The following GPR39 variants were observed in gnomAD, a reference collection of about 807,000 sequenced individuals.
The protein encoded by GPR39 is zinc sensing receptor.
Under a neutral mutation model 18.4 loss-of-function variants are expected in GPR39, and 23 were observed. That is an observed-to-expected ratio of 1.25 (90% confidence interval 0.90 to 1.77). The LOEUF (loss-of-function observed/expected upper bound fraction) is 1.77, where lower values mean the gene tolerates loss of function less well. GPR39 is among the 40% of genes most tolerant of loss of function. The probability of loss-of-function intolerance (pLI) is 0.00; values close to 1 mark genes in which losing one functional copy is unlikely to be tolerated. For missense variants in GPR39, 647 were observed against 602.4 expected, an observed-to-expected ratio of 1.07 and a Z score of -0.78; for synonymous variants, 280 against 257.9, an observed-to-expected ratio of 1.09 and a Z score of -0.82.
chr2:132,507,367 G>A (rs1381551191), intron 1 of GPR39, among the ~76,000 whole-genome samples: 1 of 152,210 alleles, frequency 6.6e-6, no homozygotes, highest in African/African-American at 2.4e-5. Flanking sequence ...CCCCTGTCCT[G>A]CTACGTGGTG....
chr2:132,553,683 C>T (rs376257537), intron 1 of GPR39, among the ~76,000 whole-genome samples: 63 of 152,188 alleles, frequency 4.1e-4, no homozygotes, highest in Middle Eastern at 3.4e-3. Flanking sequence ...GAGTTGGCTG[C>T]CCTCTGGGGT....
At chr2:132,607,008 T>A (rs1681150617) in intron 1 of GPR39, among the ~76,000 whole-genome samples, 1 of 152,208 alleles carries the variant, frequency 6.6e-6, no homozygotes, top group Admixed American at 6.5e-5. Flanking sequence ...CTCACTCTGA[T>A]CTTGATATAT....
chr2:132,530,853 G>A (rs1351791937), intron 1 of GPR39, among the ~76,000 whole-genome samples: 3 of 152,150 alleles, frequency 2.0e-5, no homozygotes, highest in Non-Finnish European at 4.4e-5. Flanking sequence ...CCTGAAGGAA[G>A]CACTAAACAT....
At chr2:132,489,294 G>T (rs568110658) in intron 1 of GPR39, among the ~76,000 whole-genome samples, 1 of 152,034 alleles carries the variant, frequency 6.6e-6, no homozygotes, top group Non-Finnish European at 1.5e-5. Flanking sequence ...ATTGGCAGGC[G>T]CCGGCGCTGT....
chr2:132,620,428 C>A (rs1370378569), intron 1 of GPR39, among the ~76,000 whole-genome samples: 5 of 152,164 alleles, frequency 3.3e-5, no homozygotes, highest in African/African-American at 1.2e-4. Context: ...CTCAGTCACC[C>A]CTCCCATCTC....
chr2:132,553,313 A>ATGTGTGTG (rs149187122), intron 1 of GPR39, among the ~76,000 whole-genome samples: 4 of 146,232 alleles, frequency 2.7e-5, no homozygotes, highest in African/African-American at 1.0e-4. Context: ...ATATGTATAT[A>ATGTGTGTG]TGTGTGTGTG....
chr2:132,564,139 C>T (rs185685033), intron 1 of GPR39, among the ~76,000 whole-genome samples: 5 of 152,332 alleles, frequency 3.3e-5, no homozygotes, highest in South Asian at 2.1e-4. Context: ...TGACTTGAGG[C>T]GGCTGAGGAT....
At chr2:132,628,184 T>C (rs1461116355) in intron 1 of GPR39, among the ~76,000 whole-genome samples, 1 of 152,190 alleles carries the variant, frequency 6.6e-6, no homozygotes, top group African/African-American at 2.4e-5. Context: ...GTTCCAGAAT[T>C]TCTGGAGCCT....
intron 1 of GPR39, among the ~76,000 whole-genome samples, chr2:132,578,834 T>C (rs1483694853): frequency 1.3e-5 from 2 of 152,146 alleles, no homozygotes; most frequent in South Asian, 4.1e-4. Flanking sequence ...TAACACTCCA[T>C]GTTTCACTTG....
intron 1 of GPR39, among the ~76,000 whole-genome samples, chr2:132,479,587 C>T (rs1007937607): frequency 1.3e-5 from 2 of 152,098 alleles, no homozygotes; most frequent in Non-Finnish European, 2.9e-5. Flanking sequence ...TGATCAGAAA[C>T]AGGAAAGAAG....
rs1386611858 is a variant in GPR39, at chr2:132,492,621, TAC to T, written c.856+74725_856+74726del. On this transcript the variant is annotated intron_variant, in intron 1 of 1. Transcript: ENST00000329321. ...ACCATATATACACACCATCTATATATACAATATATATACACACCATCTATATA... is the reference window on the plus strand; with the variant it reads ...ACCATATATACACACCATCTATATATAATATATATACACACCATCTATATA... 1.2e-3 allele frequency among the ~76,000 whole-genome samples: 166 copies of T among 138,808 alleles called. 5 individuals carry two copies. Among genetic ancestry groups the T allele is most frequent in the African/African-American group, 4.5e-3 (159 of 35,726 alleles). The allele number at this position is 138,808 out of a possible 152,430, so 91.1% of individuals were successfully genotyped here.
chr2:132,503,707 G>T (rs550649168), intron 1 of GPR39, among the ~76,000 whole-genome samples: 15 of 152,206 alleles, frequency 9.9e-5, no homozygotes, highest in Non-Finnish European at 2.2e-4. Flanking sequence ...GGTAGAGAAA[G>T]ACCACCAGCT....
intron 1 of GPR39, among the ~76,000 whole-genome samples, chr2:132,567,641 G>T (rs1680374275): frequency 6.6e-6 from 1 of 152,152 alleles, no homozygotes; most frequent in South Asian, 2.1e-4. Context: ...TACAGAAACA[G>T]AAAACAGGCT....
intron 1 of GPR39, among the ~76,000 whole-genome samples, chr2:132,496,819 G>T (rs976558845): frequency 6.6e-6 from 1 of 152,230 alleles, no homozygotes; most frequent in African/African-American, 2.4e-5. Flanking sequence ...GGAGCCATTA[G>T]CAGCCTTGAT....
At chr2:132,623,775 G>A (rs1681488978) in intron 1 of GPR39, among the ~76,000 whole-genome samples, 2 of 152,208 alleles carry the variant, frequency 1.3e-5, no homozygotes, top group Non-Finnish European at 2.9e-5. Context: ...CCCTTCTGCT[G>A]TGATTGCTTT....
Position 132,417,199 on chromosome 2 carries a change from C to T in GPR39, c.157C>T (p.Arg53Trp), listed in dbSNP as rs1022860709. The T allele has an allele frequency of 2.5e-6, 4 of 1,614,104 alleles. No homozygotes were observed. In the South Asian group the frequency reaches 3.3e-5, roughly 13 times the overall value. Residue 53 changes from arginine to tryptophan, a missense_variant, in exon 1 of 2, where the codon CGG (arginine) becomes TGG (tryptophan). Physicochemically the swap from Arg to Trp is moderately radical, Grantham distance 101. Transcript: ENST00000329321. ...MGLLGNSATI[R>W]VTQVLQKKGY... ...CCTTCTGGGGAACAGCGCCACCATTCGGGTCACCCAGGTGCTGCAGAAGAA... is the reference window on the plus strand; with the variant it reads ...CCTTCTGGGGAACAGCGCCACCATTTGGGTCACCCAGGTGCTGCAGAAGAA...
chr2:132,422,420 T>C (rs1057163977), intron 1 of GPR39, among the ~76,000 whole-genome samples: 2 of 150,290 alleles, frequency 1.3e-5, no homozygotes, highest in African/African-American at 2.5e-5. Context: ...ACTGTATATT[T>C]CGTATTACAC....
intron 1 of GPR39, among the ~76,000 whole-genome samples, chr2:132,459,382 T>C (rs1224451121): frequency 6.6e-6 from 1 of 152,234 alleles, no homozygotes. Flanking sequence ...GCAGCTGTTT[T>C]CTTTTCTCGT....
chr2:132,587,817 G>A (rs1335497368), intron 1 of GPR39, among the ~76,000 whole-genome samples: 1 of 152,210 alleles, frequency 6.6e-6, no homozygotes, highest in African/African-American at 2.4e-5. Context: ...TTACAGGCAT[G>A]AGCCACTGCG....
Sources: allele counts gnomAD v4.1 joint callset (sites outside exome capture counted in the v4.1 genomes callset), GRCh38; gene constraint gnomAD v4.1.1; transcripts MANE v1.5; gene names NCBI Gene and HGNC (gene_info 2026-07-23, HGNC 2026-07-21).